SASH1: variants seen among roughly 807,000 people sequenced by gnomAD.
SASH1 encodes the protein SAM and SH3 domain-containing protein 1.
Under a neutral mutation model 125.2 loss-of-function variants are expected in SASH1, and 44 were observed. That is an observed-to-expected ratio of 0.35 (90% CI 0.28 to 0.45). The LOEUF is 0.45. Ranked by LOEUF, SASH1 falls within the 20% of genes least tolerant of loss-of-function variation. The pLI is 1.00. For synonymous variants in SASH1, 639 were observed against 649.1 expected (o/e 0.98, Z 0.24); for missense variants, 1,426 against 1,614.5 (o/e 0.88, Z 2.00).
intron 4 of SASH1, among the ~76,000 whole-genome samples, chr6:148,454,999 T>C (rs1393419891): frequency 6.6e-6 from 1 of 152,252 alleles, no homozygotes; most frequent in Non-Finnish European, 1.5e-5. Context: ...TGTTTTATCG[T>C]ATTACTCTGT....
chr6:148,317,923 G>A (rs1055126170), intron 1 of SASH1, among the ~76,000 whole-genome samples: 2 of 152,196 alleles, frequency 1.3e-5, no homozygotes, highest in Non-Finnish European at 2.9e-5. Context: ...GTGAAAGGTT[G>A]TGTTTTCTGA....
At chr6:148,307,351 C>T (rs1306892161) in intron 1 of SASH1, among the ~76,000 whole-genome samples, 1 of 151,854 alleles carries the variant, frequency 6.6e-6, no homozygotes, top group African/African-American at 2.4e-5. Flanking sequence ...CCCCTGACCT[C>T]GTGATCTGCC....
the SASH1 span, among the ~76,000 whole-genome samples, chr6:148,251,416 G>C: frequency 4.6e-5 from 7 of 152,166 alleles, no homozygotes; most frequent in African/African-American, 2.4e-5. Flanking sequence ...AGAGTGCACA[G>C]TTTCTAGATT....
chr6:148,300,683 A>G (rs1159934773), intron 1 of SASH1, among the ~76,000 whole-genome samples: 4 of 152,030 alleles, frequency 2.6e-5, no homozygotes, highest in Non-Finnish European at 5.9e-5. Context: ...GGGTTTTACC[A>G]CGTTGGCTAG....
chr6:148,514,258 A>G, intron 8 of SASH1, 66 bp from the exon 9 acceptor site: 2 of 1,557,702 alleles, frequency 1.3e-6, no homozygotes, highest in Non-Finnish European at 1.7e-6. Context: ...GGCCGGCTAC[A>G]TCCAGCCACA....
chr6:148,527,336 G>A (rs915359756), intron 11 of SASH1, 117 bp from the exon 12 acceptor site: 9 of 892,440 alleles, frequency 1.0e-5, no homozygotes, highest in South Asian at 4.2e-5. Context: ...CAAGAAAAAC[G>A]TCAAGATCCA....
At chr6:148,528,760 G>A (rs73015051) in intron 12 of SASH1, among the ~76,000 whole-genome samples, 11,414 of 152,188 alleles carry the variant, frequency 0.075, 532 homozygotes, top group Non-Finnish European at 0.099. Flanking sequence ...ATTTTTCCAC[G>A]GAGCTGGTGT....
chr6:148,507,112 C>T (rs1779842306), intron 8 of SASH1, among the ~76,000 whole-genome samples: 1 of 151,476 alleles, frequency 6.6e-6, no homozygotes, highest in Admixed American at 6.6e-5. Flanking sequence ...TGTGGTGAAC[C>T]CTTGCAGGAG....
the SASH1 span, among the ~76,000 whole-genome samples, chr6:148,251,174 G>A: frequency 3.9e-5 from 6 of 152,066 alleles, no homozygotes; most frequent in East Asian, 1.9e-4. Context: ...TATGTTCTCC[G>A]GATAGAAAAG....
chr6:148,378,725 G>A (rs1250310005), intron 1 of SASH1, among the ~76,000 whole-genome samples: 2 of 152,170 alleles, frequency 1.3e-5, no homozygotes, highest in Non-Finnish European at 2.9e-5. Context: ...GGCCATACCT[G>A]TAAAGAGGAA....
At chr6:148,545,976 T>A (rs1250181528) in intron 18 of SASH1, 39 bp from the exon 19 acceptor site, 1 of 1,598,182 alleles carries the variant, frequency 6.3e-7, no homozygotes, top group African/African-American at 1.3e-5. Context: ...AACAAAATCC[T>A]TATGACTCTT....
chr6:148,428,553 T>C (rs929612450), intron 2 of SASH1, among the ~76,000 whole-genome samples: 11 of 141,166 alleles, frequency 7.8e-5, no homozygotes, highest in Admixed American at 3.1e-4. Flanking sequence ...TGCTTGAACC[T>C]GAGAGGCGGA....
At chr6:148,202,450 C>T in the SASH1 span, among the ~76,000 whole-genome samples, 1 of 152,148 alleles carries the variant, frequency 6.6e-6, no homozygotes, top group East Asian at 1.9e-4. Context: ...GTCTGCCCTC[C>T]CTGAGCCCTG....
chr6:148,319,996 T>C (rs1425318922), intron 1 of SASH1, among the ~76,000 whole-genome samples: 1 of 152,204 alleles, frequency 6.6e-6, no homozygotes, highest in Non-Finnish European at 1.5e-5. Context: ...GCTGTTGAAG[T>C]CACCCTTATT....
the SASH1 span, among the ~76,000 whole-genome samples, chr6:148,203,582 T>C: frequency 2.6e-5 from 4 of 152,368 alleles, no homozygotes; most frequent in South Asian, 2.1e-4. Flanking sequence ...AAAACACTTA[T>C]ATTAACGTGT....
intron 7 of SASH1, among the ~76,000 whole-genome samples, chr6:148,485,470 A>G (rs189470338): frequency 2.2e-4 from 33 of 152,340 alleles, no homozygotes; most frequent in African/African-American, 7.7e-4. Flanking sequence ...TAATAATAGT[A>G]TTATACTAAC....
chr6:148,544,602 C>T lies in SASH1; in HGVS notation c.3132C>T (p.Leu1044=). The T allele has an allele frequency of 6.2e-7, 1 of 1,613,322 alleles. No individual in the cohort carries two copies. Among genetic ancestry groups the T allele is most frequent in the Non-Finnish European group, 8.5e-7 (1 of 1,179,908 alleles). Residue 1044 remains leucine, a synonymous_variant, in exon 18 of 20, where the codon CTC becomes CTT. Coordinates refer to ENST00000367467, the MANE Select transcript of SASH1 (RefSeq NM_015278.5). The surrounding 1 kb of genome is among the most constrained non-coding windows in gnomAD (Gnocchi z 6.4). ...DCPPALAPRP[L]SGQAPGSPPS... ...CCCCAGCACTGGCTCCCAGGCCTCT[C>T]TCAGGGCAGGCGCCTGGCAGCCCAC...
At chr6:148,363,727 C>G (rs6570847) in intron 1 of SASH1, among the ~76,000 whole-genome samples, 116,016 of 151,600 alleles carry the variant, frequency 0.77, 44,764 homozygotes, top group African/African-American at 0.85. Flanking sequence ...ACCTCTGCTT[C>G]AGACCCCTCC....
intron 1 of SASH1, among the ~76,000 whole-genome samples, chr6:148,343,822 T>C (rs771708202): frequency 6.6e-5 from 10 of 152,340 alleles, no homozygotes; most frequent in Non-Finnish European, 1.2e-4. Context: ...GCATAGTCTC[T>C]GGGAAGCAGT....
Sources: gnomAD v4.1 joint callset for allele counts (sites outside exome capture counted in the v4.1 genomes callset) on GRCh38, gnomAD v4.1.1 for gene constraint, Gnocchi (gnomAD v3.1) non-coding constraint, MANE v1.5 for transcripts, NCBI Gene and HGNC (gene_info 2026-07-23, HGNC 2026-07-21) for gene names.